Variants in TM4SF1 observed in about 807,000 individuals in gnomAD.
The protein encoded by TM4SF1 is transmembrane 4 L six family member 1.
Under a neutral mutation model 24.5 loss-of-function variants are expected in TM4SF1, and 20 were observed. That is an observed-to-expected ratio of 0.82 (90% confidence interval 0.57 to 1.19). TM4SF1 has a LOEUF of 1.19. TM4SF1 is among the 50% of genes most tolerant of loss of function. The pLI, the probability that TM4SF1 is intolerant of heterozygous loss-of-function variation, is 0.00. For missense variants in TM4SF1, 258 were observed against 248.1 expected, an observed-to-expected ratio of 1.04 and a Z score of -0.27; for synonymous variants, 107 against 95.4, an observed-to-expected ratio of 1.12 and a Z score of -0.71.
rs562718835 is a variant in TM4SF1 at position 149,375,353 on chromosome 3, A to G, written c.413+90T>C. 8.0e-6 allele frequency: 12 copies of G among 1,505,920 alleles called. No homozygotes were observed. The East Asian group carries it at 2.3e-4, about 28-fold the overall frequency. 93.3% of individuals were successfully genotyped at this position (1,505,920 alleles called of 1,614,324 possible). A position where few individuals can be genotyped will look rare whatever the true frequency, so the allele number is the denominator to read the frequency against. On this transcript the variant is annotated intron_variant, in intron 3 of 4. Transcript: ENST00000305366. ...ACTGGCTAGGTGGGTGGATGGATGG[A>G]TAAGTGGATGCCTATCTGGTTTGAT...
At position 149,371,515 on chromosome 3, in the gene TM4SF1, G is replaced by T. The variant is rs528188249; in HGVS notation, c.594+172C>A. The T allele has an allele frequency of 1.4e-4, 93 of 679,058 alleles. 4 individuals carry two copies. In the South Asian group the frequency reaches 1.7e-3, roughly 12 times the overall value. The allele number at this position is 679,058 out of a possible 1,614,324, so 42.1% of individuals were successfully genotyped here. ...CAATCCTGTGACTGTGAGACTCGAG[G>T]AAGCTTGTTACTGACAGCTAAAGTG... On this transcript the variant is annotated intron_variant, in intron 4 of 4. Coordinates refer to ENST00000305366, the MANE Select transcript of TM4SF1 (RefSeq NM_014220.3).
At chr3:149,375,876 C>T (rs1731940651) in intron 1 of TM4SF1, 107 bp from the exon 2 acceptor site, 3 of 1,041,800 alleles carry the variant, frequency 2.9e-6, no homozygotes, top group Admixed American at 4.0e-5. Context: ...CATTAACTGG[C>T]TTTGATTAGG....
intron 3 of TM4SF1, among the ~76,000 whole-genome samples, chr3:149,372,672 G>A (rs1249377798): frequency 6.6e-5 from 10 of 152,164 alleles, no homozygotes; most frequent in South Asian, 4.1e-4. Flanking sequence ...TGCCCAGGCT[G>A]GAGTGCAATG....
intron 3 of TM4SF1, among the ~76,000 whole-genome samples, chr3:149,375,114 G>C (rs1434590560): frequency 7.2e-5 from 11 of 152,056 alleles, no homozygotes; most frequent in Admixed American, 7.2e-4. Context: ...CTGAGGAAGG[G>C]GTATTGCTTG....
chr3:149,377,558 T>C lies in TM4SF1; in HGVS notation c.-11A>G. ...CTTCCCATAGCACATGGTGGTCTGC[T>C]AGGTTTTCTCCCCCTTCTCTTTGTC... On this transcript the variant is annotated 5_prime_UTR_variant, in exon 1 of 5. Coordinates refer to ENST00000305366, the MANE Select transcript of TM4SF1 (RefSeq NM_014220.3). The C allele has an allele frequency of 6.2e-7, 1 of 1,605,512 alleles. No individual in the cohort carries two copies. The highest frequency in any genetic ancestry group is 1.1e-5 in the South Asian group (1 of 89,994).
intron 3 of TM4SF1, 21 bp from the exon 4 acceptor site, chr3:149,371,888 T>C: frequency 6.2e-7 from 1 of 1,612,626 alleles, no homozygotes; most frequent in East Asian, 2.2e-5. Flanking sequence ...AAAGAGAAAC[T>C]TCTGACACAC....
At chr3:149,369,979 G>T in intron 4 of TM4SF1, 99 bp from the exon 5 acceptor site, 1 of 1,435,596 alleles carries the variant, frequency 7.0e-7, no homozygotes, top group Non-Finnish European at 9.4e-7. Flanking sequence ...TAAACAGACT[G>T]ATCTTAGCTT....
chr3:149,370,007 A>G, intron 4 of TM4SF1, 127 bp from the exon 5 acceptor site: 1 of 1,203,120 alleles, frequency 8.3e-7, no homozygotes, highest in Non-Finnish European at 1.2e-6. Context: ...GCTTAGGCCA[A>G]CCATACTTAG....
intron 3 of TM4SF1, among the ~76,000 whole-genome samples, chr3:149,373,721 T>C (rs1188221022): frequency 6.6e-6 from 1 of 152,210 alleles, no homozygotes; most frequent in Non-Finnish European, 1.5e-5. Context: ...TTATTTCCCA[T>C]ATTGAAATCC....
In TM4SF1 at chr3:149,375,524, G is replaced by A; in HGVS notation, c.332C>T (p.Ala111Val). 3 of 1,614,220 alleles carry A rather than the reference G, an allele frequency of 1.9e-6. No homozygotes were observed. Among genetic ancestry groups the A allele is most frequent in the Admixed American group, 3.3e-5 (2 of 60,022 alleles). ...IAGSGYCVIVAALGLAEGPLC... is the reference protein window; with the variant it reads ...IAGSGYCVIVVALGLAEGPLC... ...TGGTCCTTCTGCTAAGCCAAGGGCT[G>A]CCACAATGACACAGTAGCCAGATCC... The change falls in exon 3 of 5, where the codon GCA becomes GTA. Residue 111 changes from alanine (A) to valine (V), a missense_variant. By Grantham distance (64) the Ala-to-Val change is moderately conservative. Transcript: ENST00000305366.
intron 4 of TM4SF1, 29 bp downstream of exon 4, chr3:149,371,658 G>T: frequency 3.1e-6 from 5 of 1,613,698 alleles, no homozygotes; most frequent in South Asian, 1.1e-5. Flanking sequence ...ACCAGGGCCA[G>T]ACTACGACAT....
In TM4SF1 at chr3:149,375,562, G is replaced by A. The variant is rs771601433; in HGVS notation, c.294C>T (p.Leu98=). 9.4e-5 allele frequency: 152 copies of A among 1,614,090 alleles called. No homozygotes were observed. The highest frequency in any genetic ancestry group is 3.3e-4 in the Middle Eastern group (2 of 6,084). The part of the protein sequence containing the change: ...CAMLSSVLAA[L]IGIAGSGYCV... Reference sequence around the variant, plus strand: ...AGTAGCCAGATCCTGCAATTCCAATGAGAGCAGCCAATACAGAAGAAAGCA... The same window carrying A: ...AGTAGCCAGATCCTGCAATTCCAATAAGAGCAGCCAATACAGAAGAAAGCA... Residue 98 remains leucine, a synonymous_variant, in exon 3 of 5, where the codon CTC becomes CTT. Transcript: ENST00000305366.
At chr3:149,370,204 T>C (rs1284658100) in intron 4 of TM4SF1, 2 of 244,122 alleles carry the variant, frequency 8.2e-6, no homozygotes, top group Non-Finnish European at 1.6e-5. Flanking sequence ...CACACTGGTA[T>C]GAGCTCAATG....
Position 149,375,391 on chromosome 3 carries a change from A to G in TM4SF1, c.413+52T>C. The stretch of plus-strand genomic sequence containing the variant: ...TATCTGGTTTGATAGAGCTGCCACT[A>G]TATACATGTGGTGGATAAAAATGTG... On this transcript the variant is annotated intron_variant, in intron 3 of 4. Transcript: ENST00000305366. 2.5e-6 allele frequency: 4 copies of G among 1,600,584 alleles called. No individual in the cohort carries two copies. The South Asian group carries it at 3.3e-5, about 13-fold the overall frequency.
intron 3 of TM4SF1, among the ~76,000 whole-genome samples, chr3:149,372,720 T>C (rs1419004591): frequency 6.6e-6 from 1 of 152,132 alleles, no homozygotes; most frequent in African/African-American, 2.4e-5. Flanking sequence ...ACGTCCCAGG[T>C]TCAAGCCATT....
At chr3:149,371,299 C>T in intron 4 of TM4SF1, 1 of 359,520 alleles carries the variant, frequency 2.8e-6, no homozygotes, top group Non-Finnish European at 5.1e-6. Context: ...AGCATAGTGC[C>T]TGATGCATTG....
intron 3 of TM4SF1, among the ~76,000 whole-genome samples, chr3:149,374,031 T>G (rs1186783272): frequency 1.3e-5 from 2 of 152,238 alleles, no homozygotes; most frequent in Non-Finnish European, 2.9e-5. Context: ...CAAACTTCTG[T>G]AAGTATCAAT....
At chr3:149,376,031 G>A (rs1042964481) in intron 1 of TM4SF1, among the ~76,000 whole-genome samples, 7 of 152,098 alleles carry the variant, frequency 4.6e-5, no homozygotes, top group South Asian at 2.1e-4. Context: ...AACTGTAAAC[G>A]TGTTTATTCC....
chr3:149,372,356 A>G (rs1477126550), intron 3 of TM4SF1, among the ~76,000 whole-genome samples: 1 of 151,972 alleles, frequency 6.6e-6, no homozygotes, highest in Non-Finnish European at 1.5e-5. Flanking sequence ...AAAGATGGGT[A>G]TTTGTATTCA....
Sources: allele counts gnomAD v4.1 joint callset (sites outside exome capture counted in the v4.1 genomes callset), GRCh38; gene constraint gnomAD v4.1.1; transcripts MANE v1.5; gene names NCBI Gene and HGNC (gene_info 2026-07-23, HGNC 2026-07-21).